Variants in ARFGEF2 observed in about 807,000 individuals in gnomAD.
The protein encoded by ARFGEF2 is brefeldin A-inhibited guanine nucleotide-exchange protein 2.
In ARFGEF2, 74 loss-of-function variants were observed where a neutral mutation model predicts 219.9. The ratio of observed to expected loss-of-function variants is 0.34; its 90% CI spans 0.28 to 0.41. The LOEUF (loss-of-function observed/expected upper bound fraction) is 0.41. Ranked by LOEUF, ARFGEF2 falls within the 10% of genes least tolerant of loss-of-function variation. The pLI, the probability that ARFGEF2 is intolerant of heterozygous loss-of-function variation, is 1.00. For synonymous variants in ARFGEF2, 733 were observed against 799.2 expected (o/e 0.92, Z 1.40); for missense variants, 1,743 against 2,218.3 (o/e 0.79, Z 4.30).
chr20:48,965,891 T>C lies in ARFGEF2; in HGVS notation c.927T>C (p.Gly309=). ...SAIKEAAEKH[G]LTEPERVLGE... ...TTTAAGAAGCAGCGGAAAAGCATGG[T>C]CTGACAGAACCTGAGAGAGTTCTAG... Residue 309 remains glycine, a synonymous_variant, in exon 8 of 39, where the codon GGT becomes GGC. Transcript: ENST00000371917. The C allele has an allele frequency of 1.2e-6, 2 of 1,614,208 alleles. No homozygotes were observed. Among genetic ancestry groups the C allele is most frequent in the Non-Finnish European group, 1.7e-6 (2 of 1,180,036 alleles).
chr20:48,925,429 C>T (rs909978044), intron 1 of ARFGEF2, among the ~76,000 whole-genome samples: 3 of 152,138 alleles, frequency 2.0e-5, no homozygotes, highest in African/African-American at 7.2e-5. Flanking sequence ...TTATAATTGT[C>T]TTATTTAAGA....
intron 12 of ARFGEF2, among the ~76,000 whole-genome samples, chr20:48,974,271 G>A (rs1424570833): frequency 6.6e-6 from 1 of 151,694 alleles, no homozygotes; most frequent in African/African-American, 2.4e-5. Flanking sequence ...GATTACAGGT[G>A]CCTGCCACCA....
chr20:48,998,479 C>T lies in ARFGEF2; in HGVS notation c.3406C>T (p.His1136Tyr). The T allele has an allele frequency of 6.2e-7, 1 of 1,613,202 alleles. No homozygotes were observed. Among genetic ancestry groups the T allele is most frequent in the Non-Finnish European group, 8.5e-7 (1 of 1,179,936 alleles). Reference sequence around the variant, plus strand: ...CCGACTACAGTGGTCTCGAATATGGCATGTGATTGGAGATCACTTCAATAA... The same window carrying T: ...CCGACTACAGTGGTCTCGAATATGGTATGTGATTGGAGATCACTTCAATAA... ...RIRLQWSRIW[H>Y]VIGDHFNKVG... is the part of the protein sequence containing the mutation. Residue 1136 changes from histidine to tyrosine, a missense_variant, in exon 25 of 39, where the codon CAT becomes TAT. This residue lies in a region of ARFGEF2 where 102 missense variants were observed against 146.8 expected (regional missense o/e 0.69). Coordinates refer to ENST00000371917, the MANE Select transcript of ARFGEF2 (RefSeq NM_006420.3).
At chr20:48,939,745 G>A (rs1017378866) in intron 1 of ARFGEF2, among the ~76,000 whole-genome samples, 4 of 152,148 alleles carry the variant, frequency 2.6e-5, no homozygotes, top group Middle Eastern at 6.3e-3. Context: ...ATACAAAGTC[G>A]GGCTTGAAGA....
chr20:49,009,478 C>T (rs992742862), intron 26 of ARFGEF2, among the ~76,000 whole-genome samples: 1 of 151,958 alleles, frequency 6.6e-6, no homozygotes, highest in Admixed American at 6.6e-5. Context: ...GAAAGTCAAA[C>T]CTGTAGTCCC....
In ARFGEF2 at chr20:48,976,148, A is replaced by G; in HGVS notation, c.1907A>G (p.Gln636Arg). Residue 636 changes from glutamine to arginine, a missense_variant, in exon 14 of 39, where the codon CAA (glutamine) becomes CGA (arginine). Physicochemically the swap from Gln to Arg is conservative, Grantham distance 43. Around this residue, in one of 5 missense-constraint regions of ARFGEF2, gnomAD observed 666 missense variants for 955.4 expected, o/e 0.70. Coordinates refer to ENST00000371917, the MANE Select transcript of ARFGEF2 (RefSeq NM_006420.3). ...TQTTVQDDPE[Q>R]FEVIKQQKEI... ...ACAACTGTTCAGGATGACCCTGAGC[A>G]ATTTGAGGTCATCAAGCAACAAAAA... 1.2e-6 allele frequency: 2 copies of G among 1,614,098 alleles called. No individual in the cohort carries two copies. Among genetic ancestry groups the G allele is most frequent in the Non-Finnish European group, 1.7e-6 (2 of 1,180,044 alleles).
chr20:48,987,578 A>G (rs1274082513), intron 16 of ARFGEF2, among the ~76,000 whole-genome samples: 1 of 152,176 alleles, frequency 6.6e-6, no homozygotes, highest in African/African-American at 2.4e-5. Flanking sequence ...CACAAAATAG[A>G]TGTTCTCAGG....
intron 26 of ARFGEF2, among the ~76,000 whole-genome samples, chr20:49,007,592 C>CTTTTTTTTTT (rs752508908): frequency 1.0e-5 from 1 of 97,844 alleles, no homozygotes; most frequent in Admixed American, 1.2e-4. Flanking sequence ...CCTGGTGTTG[C>CTTTTTTTTTT]TTTTTTTTTT....
At chr20:48,954,670 T>A (rs774864444) in intron 6 of ARFGEF2, among the ~76,000 whole-genome samples, 53 of 152,236 alleles carry the variant, frequency 3.5e-4, no homozygotes, top group Non-Finnish European at 4.9e-4. Flanking sequence ...GACTGCTTGA[T>A]GTACATGAGA....
chr20:49,016,183 A>G, intron 30 of ARFGEF2, 97 bp from the exon 31 acceptor site: 1 of 1,327,696 alleles, frequency 7.5e-7, no homozygotes, highest in Non-Finnish European at 1.1e-6. Flanking sequence ...ACATATCACC[A>G]AATTGCTTTC....
chr20:49,020,550 A>G (rs1232687756), intron 34 of ARFGEF2, among the ~76,000 whole-genome samples: 1 of 152,178 alleles, frequency 6.6e-6, no homozygotes. Context: ...GGCTCAAGCA[A>G]TCCTCCTGCC....
rs546512991 is a variant in ARFGEF2 at position 48,955,837 on chromosome 20, T to C, written c.838+2047T>C. Among the ~76,000 whole-genome samples, 4 of 152,190 alleles carry C rather than the reference T, an allele frequency of 2.6e-5. No homozygotes were observed. The South Asian group carries it at 8.3e-4, about 32-fold the overall frequency. On this transcript the variant is annotated intron_variant, in intron 6 of 38. Transcript: ENST00000371917. ...CCTGTATTCCCAGTTACTTGGGAGG[T>C]TGAGGCAAGAGGATCACTTGAGGCC...
chr20:48,989,699 G>GC lies in ARFGEF2; in HGVS notation c.2814+16dup. 1 of 1,614,002 alleles carries GC rather than the reference G, an allele frequency of 6.2e-7. No individual in the cohort carries two copies. Among genetic ancestry groups the GC allele is most frequent in the Non-Finnish European group, 8.5e-7 (1 of 1,180,016 alleles). On this transcript the variant is annotated intron_variant, in intron 20 of 38. Transcript: ENST00000371917. ...TTGGAATGCAGGTAGGTGTAAGTCA[G>GC]CAACACTCCAGAGATACTGGTGGGT... is the stretch of plus-strand genomic sequence containing the variant.
chr20:48,928,644 G>A (rs1442459852), intron 1 of ARFGEF2, among the ~76,000 whole-genome samples: 7 of 149,184 alleles, frequency 4.7e-5, no homozygotes, highest in African/African-American at 7.4e-5. Flanking sequence ...ACAGGCGCCC[G>A]CCACCACACC....
chr20:48,987,703 C>G (rs1022197903), intron 16 of ARFGEF2, among the ~76,000 whole-genome samples: 1 of 152,058 alleles, frequency 6.6e-6, no homozygotes, highest in African/African-American at 2.4e-5. Flanking sequence ...CTTGCTTCAC[C>G]CTAGTCTTGG....
At position 48,956,795 on chromosome 20, in the gene ARFGEF2, A is replaced by G. The variant is rs73611309; in HGVS notation, c.838+3005A>G. Among the ~76,000 whole-genome samples the G allele has an allele frequency of 1.2e-3, 187 of 152,184 alleles. 1 individual carries two copies. The highest frequency in any genetic ancestry group is 8.6e-3 in the Admixed American group (131 of 15,280). ...GAGTTTCACCATGTTGGCCAGGCTG[A>G]TCTCGAACTCCTGACCTCAGGTGAT... On this transcript the variant is annotated intron_variant, in intron 6 of 38. Transcript: ENST00000371917.
At chr20:48,994,630 C>A in intron 22 of ARFGEF2, 32 bp downstream of exon 22, 2 of 1,611,768 alleles carry the variant, frequency 1.2e-6, no homozygotes, top group Non-Finnish European at 1.7e-6. Flanking sequence ...CTAACAGTCA[C>A]GGATTTGCAA....
chr20:49,023,325 T>C, intron 35 of ARFGEF2, 144 bp downstream of exon 35: 6 of 1,164,796 alleles, frequency 5.2e-6, no homozygotes, highest in Non-Finnish European at 7.4e-6. Flanking sequence ...TGATGGCATG[T>C]TGATGCTTAA....
chr20:49,005,034 T>C (rs769396141), intron 25 of ARFGEF2, 36 bp from the exon 26 acceptor site: 2 of 1,613,934 alleles, frequency 1.2e-6, no homozygotes, highest in South Asian at 2.2e-5. Flanking sequence ...ATTATTACAC[T>C]ATACCTGTTT....
Sources: allele counts gnomAD v4.1 joint callset (sites outside exome capture counted in the v4.1 genomes callset), GRCh38; gene constraint gnomAD v4.1.1; regional missense constraint gnomAD v4.1.1; transcripts MANE v1.5; gene names NCBI Gene and HGNC (gene_info 2026-07-23, HGNC 2026-07-21).